The following MAP3K3 variants were observed in gnomAD, a reference collection of about 807,000 sequenced individuals.
The protein encoded by MAP3K3 is MAP/ERK kinase kinase 3.
MAP3K3 carries 12 observed loss-of-function variants against 80.9 expected under a neutral mutation model. That is an observed-to-expected ratio of 0.15 (90% CI 0.10 to 0.24). The LOEUF is 0.24. Ranked by LOEUF, MAP3K3 falls within the 10% of genes least tolerant of loss-of-function variation. The pLI, the probability that MAP3K3 is intolerant of heterozygous loss-of-function variation, is 1.00. For missense variants in MAP3K3, 596 were observed against 834.7 expected (o/e 0.71, Z 3.52); for synonymous variants, 272 against 307.1 (o/e 0.89, Z 1.19).
Position 63,693,661 on chromosome 17 carries a change from C to T in MAP3K3, c.1765C>T (p.Pro589Ser). The T allele has an allele frequency of 6.2e-7, 1 of 1,609,466 alleles. No homozygotes were observed. The highest frequency in any genetic ancestry group is 8.5e-7 in the Non-Finnish European group (1 of 1,176,866). ...CACCCAGCCCACCAATCCTCAGCTG[C>T]CCTCCCACATCTCTGAACATGGCCG... ...IATQPTNPQLPSHISEHGRDF... is the reference protein window; with the variant it reads ...IATQPTNPQLSSHISEHGRDF... The change falls in exon 16 of 16, where the codon CCC (proline) becomes TCC (serine). Residue 589 changes from proline to serine, a missense_variant. By Grantham distance (74) the Pro-to-Ser change is moderately conservative (BLOSUM62 -1). Transcript: ENST00000361733. This position sits in a 1 kb window ranked among gnomAD's most constrained non-coding sequence, Gnocchi z 4.2.
At chr17:63,641,022 A>G (rs1490911935) in intron 2 of MAP3K3, among the ~76,000 whole-genome samples, 1 of 152,152 alleles carries the variant, frequency 6.6e-6, no homozygotes, top group African/African-American at 2.4e-5. Flanking sequence ...AATCCAAAAC[A>G]TGCATTCTGA....
intron 6 of MAP3K3, among the ~76,000 whole-genome samples, chr17:63,678,368 C>G (rs1348303095): frequency 6.6e-6 from 1 of 152,210 alleles, no homozygotes; most frequent in Non-Finnish European, 1.5e-5. Flanking sequence ...AGGACAAATT[C>G]TCTTCCATGG....
At chr17:63,670,976 C>T (rs972888145) in intron 6 of MAP3K3, among the ~76,000 whole-genome samples, 1 of 152,022 alleles carries the variant, frequency 6.6e-6, no homozygotes, top group Non-Finnish European at 1.5e-5. Flanking sequence ...GTTACATATT[C>T]GTATTTGTAT....
chr17:63,634,596 G>A (rs1457455132), intron 2 of MAP3K3: 118 of 858,130 alleles, frequency 1.4e-4, no homozygotes, highest in Non-Finnish European at 1.2e-4. Context: ...CTGTTAGGAA[G>A]TAATCTTAAC....
chr17:63,645,181 A>T (rs1241342517), intron 2 of MAP3K3, among the ~76,000 whole-genome samples: 1 of 152,254 alleles, frequency 6.6e-6, no homozygotes, highest in East Asian at 1.9e-4. Flanking sequence ...GGGATATAGA[A>T]ACATGATAGA....
In MAP3K3 at chr17:63,657,965, A is replaced by T. The variant is rs756420339; in HGVS notation, c.381+58A>T. The stretch of plus-strand genomic sequence containing the variant: ...AGACAAAGCTTGCTTTCCTTCAGGA[A>T]CTTGTCTCGCCTCCTTGACAGACAT... On this transcript the variant is annotated intron_variant, in intron 5 of 15. Coordinates refer to ENST00000361733, the MANE Select transcript of MAP3K3 (RefSeq NM_002401.5). 2.1e-4 allele frequency: 212 copies of T among 994,690 alleles called. 1 individual carries two copies. The highest frequency in any genetic ancestry group is 3.2e-4 in the Non-Finnish European group (207 of 646,042). The allele number at this position is 994,690 out of a possible 1,614,324, so 61.6% of individuals were successfully genotyped here. A position where few individuals can be genotyped will look rare whatever the true frequency, so the allele number is the denominator to read the frequency against.
Position 63,652,626 on chromosome 17 carries a change from A to G in MAP3K3, c.237A>G (p.Gln79=). ...VEHKVTTVFG[Q]PLDLHYMNNE... ...ACAAGGTGACAACAGTATTTGGACA[A>G]CCTCTTGATCTACATTACATGAACA... The change falls in exon 4 of 16, where the codon CAA becomes CAG. Residue 79 remains glutamine (Q), a synonymous_variant. Transcript: ENST00000361733. 6.2e-7 allele frequency: 1 copy of G among 1,613,670 alleles called. No homozygotes were observed. The highest frequency in any genetic ancestry group is 8.5e-7 in the Non-Finnish European group (1 of 1,179,670).
chr17:63,657,895 G>A lies in MAP3K3; in HGVS notation c.369G>A (p.Gln123=). ...MKSLRILLLS[Q]DRNHNSSSPH... ...GCCTTAGGATATTGCTGTTGTCCCA[G>A]GACAGAAACCATGTAAGTAGCCCTT... Residue 123 remains glutamine (Q), a synonymous_variant, in exon 5 of 16, where the codon CAG becomes CAA. Transcript: ENST00000361733. The A allele has an allele frequency of 6.3e-7, 1 of 1,587,190 alleles. No individual in the cohort carries two copies. Among genetic ancestry groups the A allele is most frequent in the Non-Finnish European group, 8.6e-7 (1 of 1,159,538 alleles).
chr17:63,688,457 CT>C, intron 8 of MAP3K3, 69 bp from the exon 9 acceptor site: 1 of 1,243,218 alleles, frequency 8.0e-7, no homozygotes, highest in Non-Finnish European at 1.2e-6. Context: ...GAAAGGGAGA[CT>C]GCCTGGACGC....
rs372390229 is a variant in MAP3K3 at position 63,689,636 on chromosome 17, A to G, written c.964A>G (p.Met322Val). The G allele has an allele frequency of 2.9e-5, 46 of 1,613,898 alleles. No homozygotes were observed. The highest frequency in any genetic ancestry group is 3.6e-5 in the Non-Finnish European group (43 of 1,179,978). ...CTCCCTGAGCACAAATGGCGAGAAC[A>G]TGGGTCTGGCTGTGCAATACCTGGA... is the stretch of plus-strand genomic sequence containing the variant. ...SRSLSTNGEN[M>V]GLAVQYLDPR... The change falls in exon 11 of 16, where the codon ATG becomes GTG. Residue 322 changes from methionine (M) to valine (V), a missense_variant. By Grantham distance (21) the Met-to-Val change is conservative. Around this residue, in one of 2 missense-constraint regions of MAP3K3, gnomAD observed 364 missense variants for 588.9 expected, o/e 0.62. Coordinates refer to ENST00000361733, the MANE Select transcript of MAP3K3 (RefSeq NM_002401.5). This position sits in a 1 kb window ranked among gnomAD's most constrained non-coding sequence, Gnocchi z 4.3.
chr17:63,693,835 T>A lies in MAP3K3; in HGVS notation c.*58T>A. 1 of 1,454,586 alleles carries A rather than the reference T, an allele frequency of 6.9e-7. No individual in the cohort carries two copies. The highest frequency in any genetic ancestry group is 9.4e-7 in the Non-Finnish European group (1 of 1,059,704). 90.1% of individuals were successfully genotyped at this position (1,454,586 alleles called of 1,614,324 possible). The stretch of plus-strand genomic sequence containing the variant: ...TTGCTGCATGGCAGGGGGCTGCTGC[T>A]GGGCTCAGTGAAGTTGCTGCTTCTC... On this transcript the variant is annotated 3_prime_UTR_variant, in exon 16 of 16. Coordinates refer to ENST00000361733, the MANE Select transcript of MAP3K3 (RefSeq NM_002401.5). This position sits in a 1 kb window ranked among gnomAD's most constrained non-coding sequence, Gnocchi z 4.2.
chr17:63,663,136 T>G (rs1241949202), intron 5 of MAP3K3, among the ~76,000 whole-genome samples: 1 of 152,156 alleles, frequency 6.6e-6, no homozygotes, highest in Non-Finnish European at 1.5e-5. Context: ...TGAAGACAAC[T>G]GAGCTAGCAA....
Position 63,693,474 on chromosome 17 carries a change from CTT to C in MAP3K3, c.1653-73_1653-72del, listed in dbSNP as rs142790457. Reference sequence around the variant, plus strand: ...TCAGCTTGCTGTGAGAAAGGCGCCTCTTTCTGCAGTGGTGGGCAGGACAGCTG... The same window carrying C: ...TCAGCTTGCTGTGAGAAAGGCGCCTCTCTGCAGTGGTGGGCAGGACAGCTG... On this transcript the variant is annotated intron_variant, in intron 15 of 15. Transcript: ENST00000361733. This position sits in a 1 kb window ranked among gnomAD's most constrained non-coding sequence, Gnocchi z 4.2. The C allele has an allele frequency of 4.9e-4, 662 of 1,352,466 alleles. 8 individuals are homozygous for C. In the African/African-American group the frequency reaches 8.9e-3, roughly 18 times the overall value. 83.8% of individuals were successfully genotyped at this position (1,352,466 alleles called of 1,614,324 possible).
chr17:63,652,735 A>C (rs941410912), intron 4 of MAP3K3, 79 bp downstream of exon 4: 2 of 933,462 alleles, frequency 2.1e-6, no homozygotes, highest in Admixed American at 4.4e-5. Context: ...AGAGCCTTTA[A>C]AGTTTGTTCC....
At chr17:63,671,273 T>G (rs1209170812) in intron 6 of MAP3K3, among the ~76,000 whole-genome samples, 1 of 151,638 alleles carries the variant, frequency 6.6e-6, no homozygotes, top group African/African-American at 2.4e-5. Context: ...TTTTTTTTTT[T>G]TGTGACGGAG....
rs544546803 is a variant in MAP3K3, at chr17:63,657,117, C to G, written c.268-677C>G. 1.8e-4 allele frequency among the ~76,000 whole-genome samples: 28 copies of G among 152,186 alleles called. 1 individual carries two copies. Among genetic ancestry groups the G allele is most frequent in the African/African-American group, 6.3e-4 (26 of 41,528 alleles). The stretch of plus-strand genomic sequence containing the variant: ...AACAATTTTCATCCTCTGACCATCC[C>G]TCCACCCCTTCTCTTCCTTTTCTGC... On this transcript the variant is annotated intron_variant, in intron 4 of 15. Transcript: ENST00000361733.
At position 63,681,911 on chromosome 17, in the gene MAP3K3, G is replaced by A; in HGVS notation, c.636+12G>A. On this transcript the variant is annotated intron_variant, in intron 7 of 15. Coordinates refer to ENST00000361733, the MANE Select transcript of MAP3K3 (RefSeq NM_002401.5). ...CCAGCGAGCAGTGCGTGAGTATAGG[G>A]GGGCTGGGATATGCCTGTGGCCTGT... The A allele has an allele frequency of 7.2e-7, 1 of 1,391,994 alleles. No individual in the cohort carries two copies. Among genetic ancestry groups the A allele is most frequent in the African/African-American group, 1.5e-5 (1 of 68,258 alleles). 86.2% of individuals were successfully genotyped at this position (1,391,994 alleles called of 1,614,324 possible).
intron 5 of MAP3K3, among the ~76,000 whole-genome samples, chr17:63,663,551 C>T (rs1324200987): frequency 7.2e-5 from 11 of 151,944 alleles, no homozygotes; most frequent in Admixed American, 6.6e-4. Flanking sequence ...ACAGCCTAAG[C>T]ATATATAATC....
chr17:63,649,092 A>G (rs917644417), intron 3 of MAP3K3, among the ~76,000 whole-genome samples: 3 of 152,150 alleles, frequency 2.0e-5, no homozygotes, highest in African/African-American at 7.2e-5. Flanking sequence ...CATGTGGCTA[A>G]TGAGCACTTG....
Sources: gnomAD v4.1 joint callset for allele counts (sites outside exome capture counted in the v4.1 genomes callset) on GRCh38, gnomAD v4.1.1 for gene constraint, gnomAD v4.1.1 regional missense constraint, Gnocchi (gnomAD v3.1) non-coding constraint, MANE v1.5 for transcripts, NCBI Gene and HGNC (gene_info 2026-07-23, HGNC 2026-07-21) for gene names.